ZNF521: variants seen among roughly 807,000 people sequenced by gnomAD.
ZNF521 encodes LYST-interacting protein 3.
A neutral mutation model predicts 105.5 loss-of-function variants in ZNF521; 14 were observed. The ratio of observed to expected loss-of-function variants is 0.13; its 90% CI spans 0.09 to 0.21. ZNF521 has a LOEUF of 0.21. Ranked by LOEUF, ZNF521 falls within the 10% of genes least tolerant of loss-of-function variation. The pLI is 1.00. For synonymous variants in ZNF521, 635 were observed against 606.0 expected, an observed-to-expected ratio of 1.05 and a Z score of -0.70; for missense variants, 1,233 against 1,629.7, an observed-to-expected ratio of 0.76 and a Z score of 4.19.
chr18:25,093,824 G>C, intron 5 of ZNF521, among the ~76,000 whole-genome samples: 2 of 152,068 alleles, frequency 1.3e-5, no homozygotes, highest in Admixed American at 1.3e-4. Flanking sequence ...AAGATCAAGG[G>C]TTTTTTCATC....
intron 5 of ZNF521, among the ~76,000 whole-genome samples, chr18:25,109,273 A>C (rs2144290720): frequency 1.3e-5 from 2 of 152,296 alleles, no homozygotes; most frequent in East Asian, 3.9e-4. Context: ...ATGTTGCTGC[A>C]AAGGACACGA....
At chr18:25,273,898 G>T (rs8084967) in intron 3 of ZNF521, among the ~76,000 whole-genome samples, 45,895 of 151,882 alleles carry the variant, frequency 0.3, 7,096 homozygotes, top group South Asian at 0.39. Flanking sequence ...TAAACTAATT[G>T]TTTAAAGTTT....
intron 4 of ZNF521, among the ~76,000 whole-genome samples, chr18:25,210,734 G>A (rs115029721): frequency 1.3e-5 from 2 of 152,116 alleles, no homozygotes; most frequent in African/African-American, 2.4e-5. Flanking sequence ...GTAACTAACC[G>A]GGGACCCACG....
intron 5 of ZNF521, among the ~76,000 whole-genome samples, chr18:25,117,052 TATAC>T (rs2034338412): frequency 8.9e-5 from 3 of 33,880 alleles, no homozygotes; most frequent in African/African-American, 2.2e-4. Flanking sequence ...CACACATATA[TATAC>T]ACACACACAC....
At chr18:25,129,266 ATT>A (rs2034595031) in intron 5 of ZNF521, among the ~76,000 whole-genome samples, 1 of 89,544 alleles carries the variant, frequency 1.1e-5, no homozygotes, top group Admixed American at 1.3e-4. Context: ...AATAATAATA[ATT>A]ATTATTATTA....
At chr18:25,276,545 A>G (rs1052145748) in intron 3 of ZNF521, among the ~76,000 whole-genome samples, 8 of 152,210 alleles carry the variant, frequency 5.3e-5, no homozygotes, top group Non-Finnish European at 1.2e-4. Flanking sequence ...CTCACTTAGA[A>G]TGGATACTTG....
At chr18:25,133,050 G>A (rs1001281948) in intron 5 of ZNF521, among the ~76,000 whole-genome samples, 57 of 152,178 alleles carry the variant, frequency 3.7e-4, no homozygotes, top group African/African-American at 9.6e-4. Flanking sequence ...CCTAATTGCC[G>A]CTTAGTCAGT....
At chr18:25,068,532 T>C (rs1185560299) in intron 7 of ZNF521, among the ~76,000 whole-genome samples, 1 of 151,970 alleles carries the variant, frequency 6.6e-6, no homozygotes, top group Non-Finnish European at 1.5e-5. Flanking sequence ...ACAAAAGCAA[T>C]TGGTTTCCCA....
At chr18:25,221,314 T>G (rs1042259061) in intron 4 of ZNF521, among the ~76,000 whole-genome samples, 1 of 152,232 alleles carries the variant, frequency 6.6e-6, no homozygotes, top group Non-Finnish European at 1.5e-5. Context: ...TTTTTTGGAT[T>G]GCAGGGTTTT....
chr18:25,336,970 CTCATTTACAGA>C (rs1217682020), intron 2 of ZNF521, among the ~76,000 whole-genome samples: 1 of 152,188 alleles, frequency 6.6e-6, no homozygotes, highest in East Asian at 1.9e-4. Context: ...TAGTAGGACC[CTCATTTACAGA>C]TGGAGAAACT....
intron 4 of ZNF521, among the ~76,000 whole-genome samples, chr18:25,208,718 C>T (rs576428960): frequency 1.3e-5 from 2 of 152,268 alleles, no homozygotes; most frequent in African/African-American, 4.8e-5. Context: ...AAATTTAAAA[C>T]ATTTAAAACC....
intron 2 of ZNF521, among the ~76,000 whole-genome samples, chr18:25,329,298 G>T (rs983381193): frequency 2.0e-4 from 31 of 152,126 alleles, no homozygotes; most frequent in African/African-American, 6.3e-4. Context: ...TTTGCCATTT[G>T]AAACTTATCA....
intron 5 of ZNF521, among the ~76,000 whole-genome samples, chr18:25,159,823 C>T (rs565971833): frequency 6.6e-6 from 1 of 152,258 alleles, no homozygotes; most frequent in African/African-American, 2.4e-5. Flanking sequence ...CAGCATCCTT[C>T]GGCCTTGGTG....
intron 5 of ZNF521, among the ~76,000 whole-genome samples, chr18:25,179,090 T>C (rs76477121): frequency 0.013 from 1,945 of 147,390 alleles, 15 homozygotes; most frequent in Non-Finnish European, 0.022. Context: ...GTATTTCTTA[T>C]GACTTATACT....
chr18:25,106,655 C>A lies in ZNF521; in HGVS notation c.3659-14574G>T, dbSNP rs190782178. Among the ~76,000 whole-genome samples, 503 of 152,216 alleles carry A rather than the reference C, an allele frequency of 3.3e-3. 3 individuals are homozygous for A. The highest frequency in any genetic ancestry group is 0.012 in the African/African-American group (481 of 41,530). On this transcript the variant is annotated intron_variant, in intron 5 of 7. Transcript: ENST00000361524. ...TATATAAGAAAGCAGGTCACGAATG[C>A]AATTAAGCCTGCTTGTGTGTTGCTT...
At chr18:25,315,481 A>G (rs532718832) in intron 3 of ZNF521, 4 of 152,346 alleles carry the variant, frequency 2.6e-5, no homozygotes, top group Admixed American at 2.6e-4. Flanking sequence ...TGTCCAGAAA[A>G]ATATGCAAAT....
intron 5 of ZNF521, among the ~76,000 whole-genome samples, chr18:25,170,179 G>A (rs111700708): frequency 2.5e-4 from 38 of 151,442 alleles, no homozygotes; most frequent in African/African-American, 8.7e-4. Context: ...CAAAGGCGGC[G>A]TTCAATGCTC....
chr18:25,338,459 T>A (rs1598488550), intron 2 of ZNF521, among the ~76,000 whole-genome samples: 1 of 151,972 alleles, frequency 6.6e-6, no homozygotes, highest in Non-Finnish European at 1.5e-5. Context: ...GTCACCCAGG[T>A]TGGAGTGCAG....
Position 25,226,928 on chromosome 18 carries a change from G to C in ZNF521, c.990C>G (p.Asp330Glu), listed in dbSNP as rs2144740426. ...TGCATGACTCCGGTTGCTGGTGACT[G>C]TCCATGTGGCTGTACAGTTCCTCAA... is the stretch of plus-strand genomic sequence containing the variant. Reference protein sequence around the residue: ...HTVEELYSHMDSHQQPESCNH... With the variant: ...HTVEELYSHMESHQQPESCNH... The change falls in exon 4 of 8, where the codon GAC (aspartate) becomes GAG (glutamate). Residue 330 changes from aspartate to glutamate, a missense_variant. Transcript: ENST00000361524. This position sits in a 1 kb window ranked among gnomAD's most constrained non-coding sequence, Gnocchi z 4.1. 6.2e-7 allele frequency: 1 copy of C among 1,613,884 alleles called. No individual in the cohort carries two copies. Among genetic ancestry groups the C allele is most frequent in the African/African-American group, 1.3e-5 (1 of 74,970 alleles).
Sources: gnomAD v4.1 joint callset for allele counts (sites outside exome capture counted in the v4.1 genomes callset) on GRCh38, gnomAD v4.1.1 for gene constraint, Gnocchi (gnomAD v3.1) non-coding constraint, MANE v1.5 for transcripts, NCBI Gene and HGNC (gene_info 2026-07-23, HGNC 2026-07-21) for gene names.